The following FAT4 variants were observed in gnomAD, a reference collection of about 807,000 sequenced individuals.
FAT4 encodes protocadherin Fat 4.
A neutral mutation model predicts 303.9 loss-of-function variants in FAT4; 84 were observed. The observed-to-expected ratio is 0.28, with a 90% CI of 0.23 to 0.33. The LOEUF (loss-of-function observed/expected upper bound fraction) is 0.33. Ranked by LOEUF, FAT4 falls within the 10% of genes least tolerant of loss-of-function variation. The pLI is 1.00. For synonymous variants in FAT4, 2,307 were observed against 2,298.8 expected, an observed-to-expected ratio of 1.00 and a Z score of -0.10; for missense variants, 6,005 against 6,146.8, an observed-to-expected ratio of 0.98 and a Z score of 0.77.
At chr4:125,321,893 T>C (rs1190566105) in intron 2 of FAT4, among the ~76,000 whole-genome samples, 1 of 152,150 alleles carries the variant, frequency 6.6e-6, no homozygotes, top group African/African-American at 2.4e-5. Flanking sequence ...TAAGCTAAAT[T>C]GCTGAGGTAA....
At chr4:125,355,181 A>G (rs911695946) in intron 2 of FAT4, among the ~76,000 whole-genome samples, 1 of 151,982 alleles carries the variant, frequency 6.6e-6, no homozygotes, top group African/African-American at 2.4e-5. Context: ...AAGGAATTTT[A>G]AAATATATAT....
chr4:125,352,754 A>G (rs1182103065), intron 2 of FAT4, among the ~76,000 whole-genome samples: 1 of 150,914 alleles, frequency 6.6e-6, no homozygotes, highest in African/African-American at 2.4e-5. Context: ...TAGCACGCAT[A>G]CATTGCCCTT....
rs1187524511 is a variant in FAT4 at position 125,468,509 on chromosome 4, C to A, written c.11906-3C>A. The A allele has an allele frequency of 4.8e-6, 7 of 1,473,066 alleles. No homozygotes were observed. In the South Asian group the frequency reaches 6.5e-5, roughly 14 times the overall value. The allele number at this position is 1,473,066 out of a possible 1,614,324, so 91.2% of individuals were successfully genotyped here. On this transcript the variant is annotated splice_region_variant and splice_polypyrimidine_tract_variant and intron_variant, in intron 11 of 17. Transcript: ENST00000394329. ...GCCAGTTTGTCAATTTTCCCTCCAA[C>A]AGGTGTCTTTGGAAAACACTGCGAG...
intron 2 of FAT4, among the ~76,000 whole-genome samples, chr4:125,373,338 GT>G (rs1733196448): frequency 6.6e-6 from 1 of 151,944 alleles, no homozygotes; most frequent in African/African-American, 2.4e-5. Context: ...TCCTTTTTAT[GT>G]TGTTTTTATC....
At chr4:125,479,668 G>A (rs1001927070) in intron 14 of FAT4, 73 bp from the exon 15 acceptor site, 5 of 1,367,918 alleles carry the variant, frequency 3.7e-6, no homozygotes, top group Non-Finnish European at 4.9e-6. Context: ...GCTAATAAAA[G>A]TGTATATTGA....
intron 2 of FAT4, among the ~76,000 whole-genome samples, chr4:125,360,381 C>G (rs534363729): frequency 9.9e-5 from 15 of 152,238 alleles, no homozygotes; most frequent in Admixed American, 8.5e-4. Context: ...CATCACGTTT[C>G]CCACACAGGC....
chr4:125,401,184 A>G (rs933419761), intron 3 of FAT4, among the ~76,000 whole-genome samples: 2 of 152,024 alleles, frequency 1.3e-5, no homozygotes, highest in Non-Finnish European at 2.9e-5. Context: ...TAACGTTTTA[A>G]TAACTGCTGA....
intron 3 of FAT4, among the ~76,000 whole-genome samples, chr4:125,401,686 A>G (rs1578600538): frequency 1.3e-5 from 2 of 152,036 alleles, no homozygotes; most frequent in East Asian, 3.9e-4. Flanking sequence ...AATGTGTTGG[A>G]TCAAGATTTA....
At chr4:125,349,222 T>G (rs1732126823) in intron 2 of FAT4, among the ~76,000 whole-genome samples, 1 of 151,798 alleles carries the variant, frequency 6.6e-6, no homozygotes, top group Non-Finnish European at 1.5e-5. Context: ...TCCAGTATAT[T>G]AAAACAATGG....
intron 4 of FAT4, 111 bp downstream of exon 4, chr4:125,407,252 T>C: frequency 1.1e-6 from 1 of 926,364 alleles, no homozygotes; most frequent in Non-Finnish European, 1.6e-6. Context: ...CATATACTAC[T>C]AGTTATAAAA....
Position 125,318,170 on chromosome 4 carries a change from G to A in FAT4, c.1759G>A (p.Gly587Arg), listed in dbSNP as rs1477703824. Residue 587 changes from glycine to arginine, a missense_variant, in exon 2 of 18, where the codon GGG becomes AGG. Coordinates refer to ENST00000394329, the MANE Select transcript of FAT4 (RefSeq NM_001291303.3). ...AAAGCCAGTATTTAGCCAGCCAGAAGGGTATGATGTGTCTGTGGTTGAGAA... is the reference window on the plus strand; with the variant it reads ...AAAGCCAGTATTTAGCCAGCCAGAAAGGTATGATGTGTCTGTGGTTGAGAA... ...DEKPVFSQPE[G>R]YDVSVVENAP... 1 of 1,614,198 alleles carries A rather than the reference G, an allele frequency of 6.2e-7. No individual in the cohort carries two copies. Among genetic ancestry groups the A allele is most frequent in the Non-Finnish European group, 8.5e-7 (1 of 1,180,040 alleles).
In FAT4 at chr4:125,491,675, A is replaced by T; in HGVS notation, c.14859A>T (p.Ala4953=). The change falls in exon 18 of 18, where the codon GCA becomes GCT. Residue 4953 remains alanine (A), a synonymous_variant. Transcript: ENST00000394329. ...ATGTAGATGTTTTTAAAGATTTGGC[A>T]TCTCTTCCAGAAAAAGCAGCAGCAA... ...GHYVDVFKDL[A]SLPEKAAANE... The T allele has an allele frequency of 6.2e-7, 1 of 1,614,218 alleles. No individual in the cohort carries two copies. Among genetic ancestry groups the T allele is most frequent in the Non-Finnish European group, 8.5e-7 (1 of 1,180,038 alleles).
intron 2 of FAT4, among the ~76,000 whole-genome samples, chr4:125,368,802 C>T (rs537646129): frequency 1.6e-4 from 25 of 151,706 alleles, no homozygotes; most frequent in African/African-American, 3.4e-4. Flanking sequence ...GGAATTCTTA[C>T]GAGAATTTCT....
At chr4:125,334,216 G>C (rs1731488297) in intron 2 of FAT4, among the ~76,000 whole-genome samples, 1 of 151,980 alleles carries the variant, frequency 6.6e-6, no homozygotes, top group Admixed American at 6.6e-5. Context: ...TCCTCCCAAA[G>C]ACATCTCCCA....
At chr4:125,442,077 A>G (rs1725679455) in intron 8 of FAT4, among the ~76,000 whole-genome samples, 1 of 152,188 alleles carries the variant, frequency 6.6e-6, no homozygotes, top group African/African-American at 2.4e-5. Context: ...GTAAAACTGA[A>G]TATCTTTACA....
At chr4:125,482,172 C>T (rs1727254058) in intron 16 of FAT4, among the ~76,000 whole-genome samples, 1 of 152,086 alleles carries the variant, frequency 6.6e-6, no homozygotes, top group South Asian at 2.1e-4. Flanking sequence ...TAAGGAAAAA[C>T]ATTTTGAAAT....
chr4:125,448,138 T>G (rs568270211), intron 9 of FAT4, among the ~76,000 whole-genome samples: 4 of 152,144 alleles, frequency 2.6e-5, no homozygotes, highest in Middle Eastern at 3.2e-3. Flanking sequence ...TATGTGCAGA[T>G]TTTTCTCCTA....
At chr4:125,437,451 C>G (rs925816806) in intron 8 of FAT4, among the ~76,000 whole-genome samples, 3 of 149,596 alleles carry the variant, frequency 2.0e-5, no homozygotes, top group Non-Finnish European at 4.4e-5. Context: ...AAATTTCTTT[C>G]AGTGAGCTAC....
rs1452986864 is a variant in FAT4 at position 125,315,222 on chromosome 4, A to T, written c.-768A>T. 2.0e-5 allele frequency among the ~76,000 whole-genome samples: 3 copies of T among 151,848 alleles called. No individual in the cohort carries two copies. Among genetic ancestry groups the T allele is most frequent in the Non-Finnish European group, 2.9e-5 (2 of 67,968 alleles). ...CCGGCCGGCGAGAGGGAGAGCGCTG[A>T]CAGGCGCCGTCCGGAGCTGCGGAGG... On this transcript the variant is annotated 5_prime_UTR_variant, in exon 1 of 18. Coordinates refer to ENST00000394329, the MANE Select transcript of FAT4 (RefSeq NM_001291303.3).
Sources: gnomAD v4.1 joint callset for allele counts (sites outside exome capture counted in the v4.1 genomes callset) on GRCh38, gnomAD v4.1.1 for gene constraint, MANE v1.5 for transcripts, NCBI Gene and HGNC (gene_info 2026-07-23, HGNC 2026-07-21) for gene names.